ESF1: variants seen among roughly 807,000 people sequenced by gnomAD.
ESF1 encodes the protein ESF1 homolog.
Under a neutral mutation model 92.0 loss-of-function variants are expected in ESF1, and 58 were observed. That is an observed-to-expected ratio of 0.63 (90% CI 0.51 to 0.78). The LOEUF is 0.78. ESF1 is among the 30% of genes least tolerant of loss of function. The pLI is 0.00. For missense variants in ESF1, 922 were observed against 989.1 expected (o/e 0.93, Z 0.91); for synonymous variants, 321 against 313.7 (o/e 1.02, Z -0.24).
In ESF1 at chr20:13,759,769, T is replaced by C; in HGVS notation, c.1751A>G (p.Gln584Arg). The change falls in exon 9 of 14, where the codon CAG (glutamine) becomes CGG (arginine). Residue 584 changes from glutamine to arginine, a missense_variant. Coordinates refer to ENST00000617257, the MANE Select transcript of ESF1 (RefSeq NM_001276380.2). ...TTTTTCTTGAATAACCTGCAAGAGC[T>C]GCCTGTATTTAGCAATTTGTTCTTC... ...DDEEQIAKYRQLLQVIQEKEK... is the reference protein window; with the variant it reads ...DDEEQIAKYRRLLQVIQEKEK... The C allele has an allele frequency of 6.3e-7, 1 of 1,580,700 alleles. No homozygotes were observed. The highest frequency in any genetic ancestry group is 2.3e-5 in the East Asian group (1 of 43,416).
intron 2 of ESF1, among the ~76,000 whole-genome samples, chr20:13,778,224 G>A (rs889568717): frequency 2.6e-5 from 4 of 152,120 alleles, no homozygotes; most frequent in Non-Finnish European, 5.9e-5. Context: ...CCACCACAAC[G>A]AAGCAGGGAT....
rs577428200 is a variant in ESF1, at chr20:13,764,506, C to T, written c.1666+2271G>A. Among the ~76,000 whole-genome samples the T allele has an allele frequency of 2.2e-4, 34 of 152,238 alleles. 1 individual carries two copies. Among genetic ancestry groups the T allele is most frequent in the East Asian group, 7.7e-4 (4 of 5,184 alleles). ...TAGAGGCACCAACCCTAGGCACAGT[C>T]GAAAATCCACACGTATCTCGATTCT... On this transcript the variant is annotated intron_variant, in intron 8 of 13. Transcript: ENST00000617257.
At chr20:13,737,992 G>A (rs2049986230) in intron 9 of ESF1, among the ~76,000 whole-genome samples, 1 of 152,220 alleles carries the variant, frequency 6.6e-6, no homozygotes, top group East Asian at 1.9e-4. Context: ...AAAACCACTG[G>A]CCATGCCCTG....
rs1199418039 is a variant in ESF1 at position 13,766,845 on chromosome 20, T to A, written c.1598A>T (p.Asp533Val). ...NRKFKKEELLDMDFQAYLASS... is the reference protein window; with the variant it reads ...NRKFKKEELLVMDFQAYLASS... Reference sequence around the variant, plus strand: ...AGCTAAGTAGGCTTGAAAATCCATGTCCAAAAGCTCTTCCTTTTTAAACTT... The same window carrying A: ...AGCTAAGTAGGCTTGAAAATCCATGACCAAAAGCTCTTCCTTTTTAAACTT... Residue 533 changes from aspartate to valine, a missense_variant, in exon 8 of 14, where the codon GAC becomes GTC. Physicochemically the swap from Asp to Val is radical, Grantham distance 152. Coordinates refer to ENST00000617257, the MANE Select transcript of ESF1 (RefSeq NM_001276380.2). 1.9e-6 allele frequency: 3 copies of A among 1,613,738 alleles called. No individual in the cohort carries two copies. The highest frequency in any genetic ancestry group is 2.5e-6 in the Non-Finnish European group (3 of 1,179,924).
At chr20:13,759,975 A>G in intron 8 of ESF1, 122 bp from the exon 9 acceptor site, 1 of 1,382,336 alleles carries the variant, frequency 7.2e-7, no homozygotes, top group Non-Finnish European at 9.4e-7. Flanking sequence ...ATCAGACTTA[A>G]ATTTCTGAAT....
intron 9 of ESF1, among the ~76,000 whole-genome samples, chr20:13,737,821 T>C (rs1399188667): frequency 8.0e-6 from 1 of 125,522 alleles, no homozygotes; most frequent in Non-Finnish European, 1.9e-5. Flanking sequence ...GCCAGACTAA[T>C]TTTTTCTGTA....
chr20:13,751,267 A>G (rs1222225896), intron 9 of ESF1, among the ~76,000 whole-genome samples: 1 of 152,242 alleles, frequency 6.6e-6, no homozygotes, highest in Non-Finnish European at 1.5e-5. Context: ...GACAACCACA[A>G]ATAGAATAGC....
At position 13,717,404 on chromosome 20, in the gene ESF1, G is replaced by A. The variant is rs751151233; in HGVS notation, c.2226C>T (p.Leu742=). 6.2e-7 allele frequency: 1 copy of A among 1,614,016 alleles called. No individual in the cohort carries two copies. The highest frequency in any genetic ancestry group is 8.5e-7 in the Non-Finnish European group (1 of 1,180,006). The change falls in exon 13 of 14, where the codon CTC becomes CTT. Residue 742 remains leucine, a synonymous_variant. Transcript: ENST00000617257. The stretch of plus-strand genomic sequence containing the variant: ...CCTCTATTAATTCCTTCTTTTTCAT[G>A]AGCTGCTTTTTCTTCTTTTTGCTCA... ...QNLSKKKKKQ[L]MKKKELIEDD...
intron 9 of ESF1, among the ~76,000 whole-genome samples, chr20:13,748,378 C>T (rs1487723950): frequency 1.0e-5 from 1 of 100,074 alleles, no homozygotes; most frequent in Non-Finnish European, 2.1e-5. Flanking sequence ...TAAGTGCAAA[C>T]TTCCCCTTCC....
At chr20:13,731,707 C>CTATA (rs2049944405) in intron 10 of ESF1, among the ~76,000 whole-genome samples, 2 of 152,268 alleles carry the variant, frequency 1.3e-5, no homozygotes, top group South Asian at 4.1e-4. Context: ...TTAGCCCTTG[C>CTATA]TATAGTCTTT....
intron 11 of ESF1, among the ~76,000 whole-genome samples, chr20:13,719,237 C>T (rs2049851431): frequency 6.6e-6 from 1 of 151,896 alleles, no homozygotes; most frequent in Admixed American, 6.6e-5. Flanking sequence ...ATTTACATTA[C>T]CAATTAAAAA....
intron 10 of ESF1, among the ~76,000 whole-genome samples, chr20:13,732,432 A>G (rs1001428555): frequency 2.0e-5 from 3 of 152,174 alleles, no homozygotes; most frequent in African/African-American, 7.2e-5. Context: ...AAATTACTCC[A>G]CTGCATCATT....
intron 2 of ESF1, among the ~76,000 whole-genome samples, chr20:13,780,604 C>T (rs936632972): frequency 5.4e-5 from 7 of 130,704 alleles, no homozygotes; most frequent in Admixed American, 4.5e-4. Context: ...CTTATCAAGA[C>T]CTCTTGGCCT....
intron 9 of ESF1, among the ~76,000 whole-genome samples, chr20:13,744,273 C>CA (rs2050033897): frequency 6.6e-6 from 1 of 152,150 alleles, no homozygotes; most frequent in Admixed American, 6.5e-5. Context: ...AATCACAAAC[C>CA]AGGAAGAGAC....
chr20:13,717,298 T>C (rs911761215), intron 13 of ESF1, 70 bp downstream of exon 13: 35 of 1,569,342 alleles, frequency 2.2e-5, no homozygotes, highest in Non-Finnish European at 2.8e-5. Context: ...CTATGCTCAA[T>C]TTCTATCTGC....
At chr20:13,784,135 G>A (rs1456365065) in intron 1 of ESF1, among the ~76,000 whole-genome samples, 2 of 152,074 alleles carry the variant, frequency 1.3e-5, no homozygotes, top group South Asian at 4.2e-4. Context: ...AGTGATGAAG[G>A]CCCAAGTGAG....
intron 8 of ESF1, among the ~76,000 whole-genome samples, chr20:13,763,062 C>T (rs953659223): frequency 2.0e-5 from 3 of 151,860 alleles, no homozygotes; most frequent in African/African-American, 4.8e-5. Context: ...GGGGTTTCAC[C>T]GTGTTAGCCA....
intron 4 of ESF1, among the ~76,000 whole-genome samples, chr20:13,773,807 T>A (rs1273692756): frequency 1.3e-5 from 2 of 152,046 alleles, no homozygotes; most frequent in Non-Finnish European, 2.9e-5. Context: ...GTTTATTAGC[T>A]AGTCTAGGCC....
At chr20:13,750,090 A>G (rs755269364) in intron 9 of ESF1, among the ~76,000 whole-genome samples, 5 of 152,238 alleles carry the variant, frequency 3.3e-5, no homozygotes, top group African/African-American at 4.8e-5. Flanking sequence ...ACTGTCTACA[A>G]CAGTCTAACT....
Sources: gnomAD v4.1 joint callset for allele counts (sites outside exome capture counted in the v4.1 genomes callset) on GRCh38, gnomAD v4.1.1 for gene constraint, MANE v1.5 for transcripts, NCBI Gene and HGNC (gene_info 2026-07-23, HGNC 2026-07-21) for gene names.